Variants in GRHL2 observed in about 807,000 individuals in gnomAD.
The protein encoded by GRHL2 is grainyhead-like protein 2 homolog.
In GRHL2, 21 loss-of-function variants were observed where a neutral mutation model predicts 83.8. That is an observed-to-expected ratio of 0.25 (90% CI 0.18 to 0.36). The LOEUF is 0.36. Ranked by LOEUF, GRHL2 falls within the 10% of genes least tolerant of loss-of-function variation. GRHL2 has a pLI of 1.00. For synonymous variants in GRHL2, 280 were observed against 278.9 expected (o/e 1.00, Z -0.04); for missense variants, 623 against 781.8 (o/e 0.80, Z 2.42).
intron 8 of GRHL2, among the ~76,000 whole-genome samples, chr8:101,599,403 G>A (rs1812464163): frequency 6.6e-6 from 1 of 152,220 alleles, no homozygotes; most frequent in Admixed American, 6.5e-5. Flanking sequence ...TTGGAGCTGG[G>A]AAGATGGGGC....
intron 8 of GRHL2, among the ~76,000 whole-genome samples, chr8:101,615,427 T>G (rs986812260): frequency 1.3e-4 from 20 of 152,172 alleles, no homozygotes; most frequent in African/African-American, 4.8e-4. Flanking sequence ...TGAATCTCAA[T>G]AGCTTAGGAA....
At position 101,666,826 on chromosome 8, in the gene GRHL2, C is replaced by T. The variant is rs115933929; in HGVS notation, c.*123C>T. 4.3e-3 allele frequency: 3,160 copies of T among 728,296 alleles called. 75 individuals carry two copies. The African/African-American group carries it at 0.049, about 11-fold the overall frequency. The allele number at this position is 728,296 out of a possible 1,614,324, so 45.1% of individuals were successfully genotyped here. A position where few individuals can be genotyped will look rare whatever the true frequency, so the allele number is the denominator to read the frequency against. On this transcript the variant is annotated 3_prime_UTR_variant, in exon 16 of 16. Transcript: ENST00000646743. ...CATCTCACAACTGCTGTTACAAGAC[C>T]GTGCTGGGGAGTGGGGCAAGGGACA...
rs4002325 is a variant in GRHL2 at position 101,515,176 on chromosome 8, G to GCACACACACACACACACA, written c.20+22404_20+22421dup. Among the ~76,000 whole-genome samples the GCACACACACACACACACA allele has an allele frequency of 1.5e-3, 218 of 144,546 alleles. 2 individuals carry two copies. The highest frequency in any genetic ancestry group is 3.4e-3 in the Middle Eastern group (1 of 290). 94.8% of individuals were successfully genotyped at this position (144,546 alleles called of 152,430 possible). ...TCTCTTTCTCTCTCTCTGTCTCTCT[G>GCACACACACACACACACA]CACACACACACACACACACACACAC... On this transcript the variant is annotated intron_variant, in intron 1 of 15. Coordinates refer to ENST00000646743, the MANE Select transcript of GRHL2 (RefSeq NM_024915.4).
chr8:101,680,718 T>C, the GRHL2 span, among the ~76,000 whole-genome samples: 263 of 113,196 alleles, frequency 2.3e-3, 1 homozygote, highest in Middle Eastern at 8.9e-3. Context: ...GAGATTATAA[T>C]AAACTATCTC....
At chr8:101,609,202 A>C (rs974056233) in intron 8 of GRHL2, among the ~76,000 whole-genome samples, 4 of 150,450 alleles carry the variant, frequency 2.7e-5, no homozygotes, top group African/African-American at 1.0e-4. Context: ...GAGAAGAAGA[A>C]CAGGGAAGGA....
At chr8:101,678,082 G>A in the GRHL2 span, among the ~76,000 whole-genome samples, 7 of 152,180 alleles carry the variant, frequency 4.6e-5, no homozygotes, top group Non-Finnish European at 4.4e-5. Flanking sequence ...GGGAAGAGAA[G>A]GAGGTCCGGA....
At chr8:101,628,697 A>C (rs1444340950) in intron 9 of GRHL2, among the ~76,000 whole-genome samples, 1 of 152,158 alleles carries the variant, frequency 6.6e-6, no homozygotes. Context: ...CATTAAAAAC[A>C]TTCATGATTC....
rs139690839 is a variant in GRHL2 at position 101,669,531 on chromosome 8, C to T, written c.*2828C>T. 1.9e-4 allele frequency: 29 copies of T among 151,850 alleles called. No individual in the cohort carries two copies. The highest frequency in any genetic ancestry group is 3.9e-4 in the East Asian group (2 of 5,152). 9.4% of individuals were successfully genotyped at this position (151,850 alleles called of 1,614,324 possible). ...GAGGGTTTGTGCCAAATGCTATGAA[C>T]GGCCCTTTCTTAAAGACAAGCAAGG... On this transcript the variant is annotated 3_prime_UTR_variant, in exon 16 of 16. Transcript: ENST00000646743.
chr8:101,663,611 CAAAAAAT>C (rs973294179), intron 14 of GRHL2, among the ~76,000 whole-genome samples: 1 of 130,646 alleles, frequency 7.7e-6, no homozygotes, highest in African/African-American at 3.5e-5. Context: ...GATTCCATCT[CAAAAAAT>C]AAATAAATAA....
In GRHL2 at chr8:101,571,401, A is replaced by G. The variant is rs555872331; in HGVS notation, c.734+1007A>G. ...CTGGGCGTGGTGGCTCATGCCTGTA[A>G]TCCAGCACTTTGGGAGGCCGAGGTG... is the stretch of plus-strand genomic sequence containing the variant. On this transcript the variant is annotated intron_variant, in intron 5 of 15. Transcript: ENST00000646743. 3.2e-4 allele frequency among the ~76,000 whole-genome samples: 48 copies of G among 151,900 alleles called. 1 individual carries two copies. The highest frequency in any genetic ancestry group is 1.2e-3 in the African/African-American group (48 of 41,444).
At chr8:101,546,934 T>G (rs983858080) in intron 2 of GRHL2, among the ~76,000 whole-genome samples, 1 of 152,260 alleles carries the variant, frequency 6.6e-6, no homozygotes, top group African/African-American at 2.4e-5. Flanking sequence ...CAGCCAAGTC[T>G]AGAACTCCTT....
Position 101,504,109 on chromosome 8 carries a change from A to G in GRHL2, c.20+11320A>G, listed in dbSNP as rs189896282. 4.1e-4 allele frequency among the ~76,000 whole-genome samples: 63 copies of G among 152,334 alleles called. 1 individual carries two copies. Among genetic ancestry groups the G allele is most frequent in the African/African-American group, 1.4e-3 (57 of 41,586 alleles). ...ACACACTTCTCTAAATAAAACGGAA[A>G]AGCCTACTTGCTGCTTGCTTGTTGC... On this transcript the variant is annotated intron_variant, in intron 1 of 15. Coordinates refer to ENST00000646743, the MANE Select transcript of GRHL2 (RefSeq NM_024915.4).
chr8:101,522,660 A>G (rs1345881856), intron 1 of GRHL2, among the ~76,000 whole-genome samples: 2 of 151,914 alleles, frequency 1.3e-5, no homozygotes, highest in Admixed American at 1.3e-4. Flanking sequence ...CTACAGGTCT[A>G]TTCATAAACA....
chr8:101,577,284 G>C (rs1586111984), intron 6 of GRHL2, 124 bp from the exon 7 acceptor site: 1 of 715,364 alleles, frequency 1.4e-6, no homozygotes. Context: ...AGCTTGTCTG[G>C]GCTTTTCTAA....
chr8:101,583,826 T>C (rs1812107926), intron 7 of GRHL2, among the ~76,000 whole-genome samples: 1 of 152,230 alleles, frequency 6.6e-6, no homozygotes, highest in Admixed American at 6.5e-5. Context: ...ACAACCAACA[T>C]TAACTTCATA....
chr8:101,503,673 C>A (rs1186666706), intron 1 of GRHL2, among the ~76,000 whole-genome samples: 1 of 152,092 alleles, frequency 6.6e-6, no homozygotes, highest in African/African-American at 2.4e-5. Context: ...CAGTATAACC[C>A]TAAAAGCCTG....
In GRHL2 at chr8:101,626,686, C is replaced by T. The variant is rs941453160; in HGVS notation, c.1258-4951C>T. Among the ~76,000 whole-genome samples the T allele has an allele frequency of 9.9e-5, 15 of 152,092 alleles. 2 individuals carry two copies. Among genetic ancestry groups the T allele is most frequent in the Admixed American group, 9.2e-4 (14 of 15,254 alleles). On this transcript the variant is annotated intron_variant, in intron 9 of 15. Transcript: ENST00000646743. The stretch of plus-strand genomic sequence containing the variant: ...TCCAAATTTAACACTCTATAGTGAA[C>T]ATTTAGATGGAGGGAATTATTTTCA...
rs1163959259 is a variant in GRHL2 at position 101,531,400 on chromosome 8, T to A, written c.21-11841T>A. Among the ~76,000 whole-genome samples the A allele has an allele frequency of 3.9e-5, 6 of 152,134 alleles. No homozygotes were observed. The East Asian group carries it at 1.2e-3, about 29-fold the overall frequency. On this transcript the variant is annotated intron_variant, in intron 1 of 15. Coordinates refer to ENST00000646743, the MANE Select transcript of GRHL2 (RefSeq NM_024915.4). ...ATTATTAACATAACGAATACATGAG[T>A]TAACCCATGTGAGGGGCTTAGAACA... is the stretch of plus-strand genomic sequence containing the variant.
At chr8:101,500,117 C>A (rs1179336381) in intron 1 of GRHL2, among the ~76,000 whole-genome samples, 1 of 151,912 alleles carries the variant, frequency 6.6e-6, no homozygotes, top group African/African-American at 2.4e-5. Context: ...TAAAAACAAA[C>A]AAACAAAAAA....
Sources: allele counts gnomAD v4.1 joint callset (sites outside exome capture counted in the v4.1 genomes callset), GRCh38; gene constraint gnomAD v4.1.1; transcripts MANE v1.5; gene names NCBI Gene and HGNC (gene_info 2026-07-23, HGNC 2026-07-21).